MAGI2: variants seen among roughly 807,000 people sequenced by gnomAD.
MAGI2 encodes membrane-associated guanylate kinase, WW and PDZ domain-containing protein 2.
A neutral mutation model predicts 133.3 loss-of-function variants in MAGI2; 35 were observed. The ratio of observed to expected loss-of-function variants is 0.26; its 90% confidence interval spans 0.20 to 0.35. MAGI2 has a LOEUF of 0.35. MAGI2 is among the 10% of genes least tolerant of loss of function. MAGI2 has a pLI of 1.00. For synonymous variants in MAGI2, 729 were observed against 710.6 expected (o/e 1.03, Z -0.41); for missense variants, 1,636 against 1,863.4 (o/e 0.88, Z 2.25).
chr7:79,113,389 T>G (rs1819109908), intron 1 of MAGI2, among the ~76,000 whole-genome samples: 2 of 152,218 alleles, frequency 1.3e-5, no homozygotes, highest in Non-Finnish European at 2.9e-5. Flanking sequence ...TGCACTTTCA[T>G]TTTTGTTGGT....
In MAGI2 at chr7:78,160,042, T is replaced by A. The variant is rs755363383; in HGVS notation, c.2828A>T (p.Glu943Val). The change falls in exon 16 of 22, where the codon GAG becomes GTG. Residue 943 changes from glutamate (E) to valine (V), a missense_variant. Physicochemically the swap from Glu to Val is moderately radical, Grantham distance 121. Coordinates refer to ENST00000354212, the MANE Select transcript of MAGI2 (RefSeq NM_012301.4). ...GCACTTACTTATAGTGGATCCAGACTCAGGCCTGTTCAGGGAGCTGATGAT... is the reference window on the plus strand; with the variant it reads ...GCACTTACTTATAGTGGATCCAGACACAGGCCTGTTCAGGGAGCTGATGAT... Reference protein sequence around the residue: ...FVIISSLNRPESGSTITVPHK... With the variant: ...FVIISSLNRPVSGSTITVPHK... The A allele has an allele frequency of 3.8e-6, 6 of 1,584,130 alleles. No homozygotes were observed. Among genetic ancestry groups the A allele is most frequent in the Non-Finnish European group, 5.2e-6 (6 of 1,162,046 alleles).
chr7:78,912,774 A>G (rs1349018388), intron 2 of MAGI2, among the ~76,000 whole-genome samples: 2 of 147,140 alleles, frequency 1.4e-5, no homozygotes, highest in Non-Finnish European at 3.0e-5. Context: ...ATTCATATAT[A>G]TATCATTCAT....
At chr7:78,573,263 A>ATATATATTT (rs1563188550) in intron 3 of MAGI2, among the ~76,000 whole-genome samples, 1 of 15,680 alleles carries the variant, frequency 6.4e-5, no homozygotes, top group Non-Finnish European at 1.0e-4. Flanking sequence ...TATAAATATA[A>ATATATATTT]ATATATATAA....
At chr7:79,061,726 T>C (rs556368084) in intron 1 of MAGI2, among the ~76,000 whole-genome samples, 2 of 152,184 alleles carry the variant, frequency 1.3e-5, no homozygotes, top group South Asian at 4.1e-4. Flanking sequence ...AAGAAATTCA[T>C]AGCCAAGTCT....
At chr7:78,399,804 CAAAA>C (rs3061269) in intron 6 of MAGI2, among the ~76,000 whole-genome samples, 1,073 of 69,678 alleles carry the variant, frequency 0.015, 7 homozygotes, top group African/African-American at 0.055. Context: ...GACTTTGTAT[CAAAA>C]AAAAAAAAAA....
chr7:78,771,279 C>T (rs867069897), intron 2 of MAGI2: 14 of 152,238 alleles, frequency 9.2e-5, no homozygotes, highest in African/African-American at 3.4e-4. Flanking sequence ...TTACATCTCT[C>T]AGCACAAGAA....
intron 1 of MAGI2, among the ~76,000 whole-genome samples, chr7:79,204,763 G>GA (rs1249864717): frequency 6.6e-6 from 1 of 151,664 alleles, no homozygotes; most frequent in Non-Finnish European, 1.5e-5. Flanking sequence ...CAATTTAATA[G>GA]AAAAATTGAA....
At chr7:78,109,438 C>T (rs1331847835) in intron 20 of MAGI2, among the ~76,000 whole-genome samples, 1 of 149,982 alleles carries the variant, frequency 6.7e-6, no homozygotes, top group Non-Finnish European at 1.5e-5. Context: ...CGAGACCATC[C>T]TGGCTAAAAT....
At chr7:79,320,972 C>T (rs1370064047) in intron 1 of MAGI2, among the ~76,000 whole-genome samples, 1 of 152,116 alleles carries the variant, frequency 6.6e-6, no homozygotes, top group East Asian at 1.9e-4. Context: ...AAATACCACA[C>T]ACATAACCTG....
intron 2 of MAGI2, among the ~76,000 whole-genome samples, chr7:78,944,520 A>ATG (rs1801248913): frequency 6.6e-6 from 1 of 152,046 alleles, no homozygotes; most frequent in African/African-American, 2.4e-5. Flanking sequence ...CCTCCATAAA[A>ATG]TACCCAAGCC....
chr7:79,077,452 G>A (rs1815575700), intron 1 of MAGI2, among the ~76,000 whole-genome samples: 2 of 150,910 alleles, frequency 1.3e-5, no homozygotes, highest in African/African-American at 4.9e-5. Flanking sequence ...TCCCAGCTAA[G>A]TAGTCCCAGC....
chr7:78,898,481 T>C (rs563556010), intron 2 of MAGI2, among the ~76,000 whole-genome samples: 1 of 152,148 alleles, frequency 6.6e-6, no homozygotes. Flanking sequence ...CCATAAAAAA[T>C]GATGAGATCA....
At chr7:79,266,696 A>G (rs1834484399) in intron 1 of MAGI2, among the ~76,000 whole-genome samples, 1 of 152,152 alleles carries the variant, frequency 6.6e-6, no homozygotes, top group African/African-American at 2.4e-5. Context: ...TTGTAAAATT[A>G]AACTGCCCCA....
At chr7:78,248,878 A>T (rs761853950) in intron 10 of MAGI2, among the ~76,000 whole-genome samples, 1 of 152,168 alleles carries the variant, frequency 6.6e-6, no homozygotes, top group Non-Finnish European at 1.5e-5. Flanking sequence ...ATTACATCCA[A>T]TTAAAAAGAT....
chr7:78,285,230 G>A (rs1385610096), intron 9 of MAGI2, among the ~76,000 whole-genome samples: 1 of 151,998 alleles, frequency 6.6e-6, no homozygotes, highest in East Asian at 1.9e-4. Flanking sequence ...AGACAATCTA[G>A]GTTACGCATC....
intron 1 of MAGI2, among the ~76,000 whole-genome samples, chr7:79,081,627 T>C (rs962572935): frequency 1.3e-5 from 2 of 152,150 alleles, no homozygotes; most frequent in Admixed American, 1.3e-4. Context: ...ATCTTGGATA[T>C]GAACTGTTAA....
chr7:79,143,712 C>A (rs1296434304), intron 1 of MAGI2, among the ~76,000 whole-genome samples: 1 of 152,126 alleles, frequency 6.6e-6, no homozygotes, highest in Admixed American at 6.5e-5. Flanking sequence ...TATTTTTCAG[C>A]ACAGATTACA....
At chr7:79,083,311 T>A (rs1816214368) in intron 1 of MAGI2, among the ~76,000 whole-genome samples, 1 of 151,490 alleles carries the variant, frequency 6.6e-6, no homozygotes, top group Admixed American at 6.6e-5. Flanking sequence ...TTATTTTTTT[T>A]TTTTTTTTCA....
rs577496880 is a variant in MAGI2, at chr7:79,162,633, G to T, written c.302-155427C>A. 2.6e-5 allele frequency among the ~76,000 whole-genome samples: 4 copies of T among 152,078 alleles called. No individual in the cohort carries two copies. The East Asian group carries it at 7.7e-4, about 29-fold the overall frequency. Reference sequence around the variant, plus strand: ...CATAAGGAATTTTCTACTTACTATAGAATTAAAGGAAAATATTTACTAACA... The same window carrying T: ...CATAAGGAATTTTCTACTTACTATATAATTAAAGGAAAATATTTACTAACA... On this transcript the variant is annotated intron_variant, in intron 1 of 21. Transcript: ENST00000354212.
Sources: gnomAD v4.1 joint callset for allele counts (sites outside exome capture counted in the v4.1 genomes callset) on GRCh38, gnomAD v4.1.1 for gene constraint, MANE v1.5 for transcripts, NCBI Gene and HGNC (gene_info 2026-07-23, HGNC 2026-07-21) for gene names.